Variants in PLXNB1 observed in about 807,000 individuals in gnomAD.
The protein encoded by PLXNB1 is plexin-B1.
PLXNB1 carries 106 observed loss-of-function variants against 209.4 expected under a neutral mutation model. That is an observed-to-expected ratio of 0.51 (90% CI 0.43 to 0.59). The LOEUF (loss-of-function observed/expected upper bound fraction) is 0.59. Ranked by LOEUF, PLXNB1 falls within the 20% of genes least tolerant of loss-of-function variation. The probability of loss-of-function intolerance (pLI) is 0.00; values close to 1 mark genes in which losing one functional copy is unlikely to be tolerated. For synonymous variants in PLXNB1, 1,167 were observed against 1,183.2 expected, an observed-to-expected ratio of 0.99 and a Z score of 0.28; for missense variants, 2,357 against 2,853.2, an observed-to-expected ratio of 0.83 and a Z score of 3.96.
chr3:48,428,227 A>G (rs1240609847), intron 1 of PLXNB1, among the ~76,000 whole-genome samples: 1 of 152,170 alleles, frequency 6.6e-6, no homozygotes, highest in Non-Finnish European at 1.5e-5. Flanking sequence ...CATTGGCCCC[A>G]CTTTTATTAA....
intron 34 of PLXNB1, 127 bp from the exon 35 acceptor site, chr3:48,407,218 GA>G: frequency 1.2e-6 from 1 of 839,664 alleles, no homozygotes; most frequent in Non-Finnish European, 1.9e-6. Flanking sequence ...CACATCCCAG[GA>G]AGCCCCTGAG....
chr3:48,411,845 A>C lies in PLXNB1; in HGVS notation c.5247+18T>G. On this transcript the variant is annotated intron_variant, in intron 28 of 37. Transcript: ENST00000296440. This position sits in a 1 kb window ranked among gnomAD's most constrained non-coding sequence, Gnocchi z 4.0. The stretch of plus-strand genomic sequence containing the variant: ...TCACCGCACTCAGACTGCAGGCCAC[A>C]CACTTGCACACCCTCACCAGGGGAC... The C allele has an allele frequency of 6.2e-7, 1 of 1,612,784 alleles. No homozygotes were observed. The highest frequency in any genetic ancestry group is 8.5e-7 in the Non-Finnish European group (1 of 1,179,300).
Position 48,410,635 on chromosome 3 carries a change from G to A in PLXNB1, c.5417-77C>T. ...AGTGGAGCCCATCTCCTCCTCCACA[G>A]GGACACCAGCCCCTCCATCATGGGG... On this transcript the variant is annotated intron_variant, in intron 29 of 37. Coordinates refer to ENST00000296440, the MANE Select transcript of PLXNB1 (RefSeq NM_001130082.3). This position sits in a 1 kb window ranked among gnomAD's most constrained non-coding sequence, Gnocchi z 6.4. 1 of 1,246,148 alleles carries A rather than the reference G, an allele frequency of 8.0e-7. No individual in the cohort carries two copies. The highest frequency in any genetic ancestry group is 1.2e-6 in the Non-Finnish European group (1 of 858,034). 77.2% of individuals were successfully genotyped at this position (1,246,148 alleles called of 1,614,324 possible).
rs1393610901 is a variant in PLXNB1 at position 48,413,432 on chromosome 3, ATAAAGATTTGT to A, written c.4535+227_4535+237del. The A allele has an allele frequency of 6.6e-6, 4 of 602,342 alleles. No homozygotes were observed. Among genetic ancestry groups the A allele is most frequent in the Admixed American group, 6.1e-5 (2 of 32,930 alleles). The allele number at this position is 602,342 out of a possible 1,614,324, so 37.3% of individuals were successfully genotyped here. Reference sequence around the variant, plus strand: ...CAAATCCATCCCACAACCTATTTTTATAAAGATTTGTTAGAACACAGCCACTTTCATGTGTT... The same window carrying A: ...CAAATCCATCCCACAACCTATTTTTATAGAACACAGCCACTTTCATGTGTT... On this transcript the variant is annotated intron_variant, in intron 23 of 37. Transcript: ENST00000296440. The surrounding 1 kb of genome is among the most constrained non-coding windows in gnomAD (Gnocchi z 5.4).
At position 48,411,770 on chromosome 3, in the gene PLXNB1, A is replaced by G; in HGVS notation, c.5247+93T>C. On this transcript the variant is annotated intron_variant, in intron 28 of 37. Coordinates refer to ENST00000296440, the MANE Select transcript of PLXNB1 (RefSeq NM_001130082.3). This position sits in a 1 kb window ranked among gnomAD's most constrained non-coding sequence, Gnocchi z 4.0. ...CAGCTCTACATCCAGGTACCACATC[A>G]GAAGCTGGTGTCCAGACCCCACACA... 1 of 1,416,278 alleles carries G rather than the reference A, an allele frequency of 7.1e-7. No individual in the cohort carries two copies. Among genetic ancestry groups the G allele is most frequent in the Admixed American group, 1.9e-5 (1 of 53,040 alleles). 87.7% of individuals were successfully genotyped at this position (1,416,278 alleles called of 1,614,324 possible). A position where few individuals can be genotyped will look rare whatever the true frequency, so the allele number is the denominator to read the frequency against.
At chr3:48,421,646 C>G (rs1255846081) in intron 7 of PLXNB1, 28 bp downstream of exon 7, 1 of 1,578,766 alleles carries the variant, frequency 6.3e-7, no homozygotes, top group Non-Finnish European at 8.7e-7. Context: ...GCCCTCCCCA[C>G]CAGGGCCCTG....
chr3:48,414,664 C>A (rs2037951186), intron 21 of PLXNB1, 135 bp downstream of exon 21: 2 of 1,194,998 alleles, frequency 1.7e-6, no homozygotes, highest in East Asian at 2.4e-5. Context: ...TCTGCCCCCA[C>A]CACAGCAAGG....
chr3:48,408,703 T>C (rs1158987396), intron 34 of PLXNB1, among the ~76,000 whole-genome samples: 2 of 152,118 alleles, frequency 1.3e-5, no homozygotes, highest in Non-Finnish European at 2.9e-5. Flanking sequence ...TGCTCTGGGA[T>C]TGAACAATCC....
At chr3:48,425,877 G>GTGAC (rs1451185054) in intron 1 of PLXNB1, among the ~76,000 whole-genome samples, 1 of 151,480 alleles carries the variant, frequency 6.6e-6, no homozygotes, top group Non-Finnish European at 1.5e-5. Flanking sequence ...ACACAGCACA[G>GTGAC]TGACACACAC....
rs780280044 is a variant in PLXNB1 at position 48,414,020 on chromosome 3, C to G, written c.4261G>C (p.Gly1421Arg). The change falls in exon 22 of 38, where the codon GGG becomes CGG. Residue 1421 changes from glycine (G) to arginine (R), a missense_variant. This residue lies in a region of PLXNB1 where 743 missense variants were observed against 896.2 expected (regional missense o/e 0.83). Transcript: ENST00000296440. ...MSKEEVVAMI[G>R]DGPCVVKTLT... ...GTCTTCACCACACAGGGGCCATCCC[C>G]TATCATAGCCACCACCTCCTCCTTG... 1 of 1,614,010 alleles carries G rather than the reference C, an allele frequency of 6.2e-7. No homozygotes were observed. Among genetic ancestry groups the G allele is most frequent in the Non-Finnish European group, 8.5e-7 (1 of 1,179,982 alleles).
In PLXNB1 at chr3:48,409,210, G is replaced by C; in HGVS notation, c.6087+119C>G. On this transcript the variant is annotated intron_variant, in intron 34 of 37. Coordinates refer to ENST00000296440, the MANE Select transcript of PLXNB1 (RefSeq NM_001130082.3). The surrounding 1 kb of genome is among the most constrained non-coding windows in gnomAD (Gnocchi z 5.8). The stretch of plus-strand genomic sequence containing the variant: ...GCCCCGGGATGAAGCCTTGGCTTGG[G>C]AGGTCAGAGGTCTCCCCTAAGCCCT... 8.5e-7 allele frequency: 1 copy of C among 1,178,554 alleles called. No individual in the cohort carries two copies. 73.0% of individuals were successfully genotyped at this position (1,178,554 alleles called of 1,614,324 possible).
Position 48,406,008 on chromosome 3 carries a change from G to A in PLXNB1, c.6229-210C>T, listed in dbSNP as rs1486274768. Reference sequence around the variant, plus strand: ...TGGGGACAGAACAGGGTAGAGCAAGGGGGCCTCCTTGGTAGGAAGACAGCC... The same window carrying A: ...TGGGGACAGAACAGGGTAGAGCAAGAGGGCCTCCTTGGTAGGAAGACAGCC... On this transcript the variant is annotated intron_variant, in intron 36 of 37. Transcript: ENST00000296440. This position sits in a 1 kb window ranked among gnomAD's most constrained non-coding sequence, Gnocchi z 4.4. 1 of 508,314 alleles carries A rather than the reference G, an allele frequency of 2.0e-6. No individual in the cohort carries two copies. Among genetic ancestry groups the A allele is most frequent in the Non-Finnish European group, 3.6e-6 (1 of 277,962 alleles). The allele number at this position is 508,314 out of a possible 1,614,324, so 31.5% of individuals were successfully genotyped here.
At chr3:48,421,849 A>G in intron 6 of PLXNB1, 43 bp from the exon 7 acceptor site, 1 of 1,576,284 alleles carries the variant, frequency 6.3e-7, no homozygotes, top group Non-Finnish European at 8.7e-7. Flanking sequence ...CTCATGGGCC[A>G]CTGGGAGTTC....
intron 1 of PLXNB1, among the ~76,000 whole-genome samples, chr3:48,426,782 C>T (rs972859761): frequency 6.6e-6 from 1 of 151,980 alleles, no homozygotes; most frequent in Non-Finnish European, 1.5e-5. Flanking sequence ...CCCAAGGGGG[C>T]GGGGGGAAGG....
chr3:48,415,496 C>A lies in PLXNB1; in HGVS notation c.3794+87G>T. 1 of 1,438,682 alleles carries A rather than the reference C, an allele frequency of 7.0e-7. No homozygotes were observed. Among genetic ancestry groups the A allele is most frequent in the Non-Finnish European group, 9.4e-7 (1 of 1,061,622 alleles). The allele number at this position is 1,438,682 out of a possible 1,614,324, so 89.1% of individuals were successfully genotyped here. ...TAGCAGCATGGGATTCTCAGTGCCT[C>A]AACATAAAGCCCTACAAACCCCCAC... is the stretch of plus-strand genomic sequence containing the variant. On this transcript the variant is annotated intron_variant, in intron 19 of 37. Transcript: ENST00000296440. The surrounding 1 kb of genome is among the most constrained non-coding windows in gnomAD (Gnocchi z 5.0).
chr3:48,411,165 C>T lies in PLXNB1; in HGVS notation c.5248-129G>A. ...CCCACGCACCACACAATCCCTAATTCTCGTCTCTTCACCTGCCTGCCTTCC... is the reference window on the plus strand; with the variant it reads ...CCCACGCACCACACAATCCCTAATTTTCGTCTCTTCACCTGCCTGCCTTCC... On this transcript the variant is annotated intron_variant, in intron 28 of 37. Transcript: ENST00000296440. This position sits in a 1 kb window ranked among gnomAD's most constrained non-coding sequence, Gnocchi z 4.0. The T allele has an allele frequency of 5.3e-6, 4 of 761,296 alleles. No individual in the cohort carries two copies. The South Asian group carries it at 7.8e-5, about 15-fold the overall frequency. The allele number at this position is 761,296 out of a possible 1,614,324, so 47.2% of individuals were successfully genotyped here.
At position 48,415,489 on chromosome 3, in the gene PLXNB1, A is replaced by G; in HGVS notation, c.3794+94T>C. Reference sequence around the variant, plus strand: ...CCCCTACTAGCAGCATGGGATTCTCAGTGCCTCAACATAAAGCCCTACAAA... The same window carrying G: ...CCCCTACTAGCAGCATGGGATTCTCGGTGCCTCAACATAAAGCCCTACAAA... On this transcript the variant is annotated intron_variant, in intron 19 of 37. Coordinates refer to ENST00000296440, the MANE Select transcript of PLXNB1 (RefSeq NM_001130082.3). The surrounding 1 kb of genome is among the most constrained non-coding windows in gnomAD (Gnocchi z 5.0). The G allele has an allele frequency of 7.0e-7, 1 of 1,426,120 alleles. No individual in the cohort carries two copies. Among genetic ancestry groups the G allele is most frequent in the Non-Finnish European group, 9.5e-7 (1 of 1,050,204 alleles). 88.3% of individuals were successfully genotyped at this position (1,426,120 alleles called of 1,614,324 possible).
chr3:48,419,178 G>A lies in PLXNB1; in HGVS notation c.2832+66C>T, dbSNP rs2038316670. The A allele has an allele frequency of 1.3e-6, 2 of 1,551,384 alleles. No homozygotes were observed. Among genetic ancestry groups the A allele is most frequent in the African/African-American group, 1.4e-5 (1 of 73,580 alleles). On this transcript the variant is annotated intron_variant, in intron 12 of 37. Coordinates refer to ENST00000296440, the MANE Select transcript of PLXNB1 (RefSeq NM_001130082.3). This position sits in a 1 kb window ranked among gnomAD's most constrained non-coding sequence, Gnocchi z 5.7. ...ACTCTGCCCTCCTCCTGCTCCCCAGGGCTTGTGCAGAGTTTCTCAACAGCT... is the reference window on the plus strand; with the variant it reads ...ACTCTGCCCTCCTCCTGCTCCCCAGAGCTTGTGCAGAGTTTCTCAACAGCT...
chr3:48,414,153 A>C (rs1034499682), intron 21 of PLXNB1, 82 bp from the exon 22 acceptor site: 4 of 1,373,214 alleles, frequency 2.9e-6, no homozygotes, highest in East Asian at 2.3e-5. Context: ...GGACCCTGAG[A>C]CCCAGCCGCA....
Sources: allele counts gnomAD v4.1 joint callset (sites outside exome capture counted in the v4.1 genomes callset), GRCh38; gene constraint gnomAD v4.1.1; regional missense constraint gnomAD v4.1.1; non-coding constraint Gnocchi (gnomAD v3.1); transcripts MANE v1.5; gene names NCBI Gene and HGNC (gene_info 2026-07-23, HGNC 2026-07-21).